CHIA: variants seen among roughly 807,000 people sequenced by gnomAD.
CHIA encodes the protein chitinase acidic.
Under a neutral mutation model 53.5 loss-of-function variants are expected in CHIA, and 47 were observed. That is an observed-to-expected ratio of 0.88 (90% CI 0.70 to 1.12). CHIA has a LOEUF of 1.12. Among genes scored for constraint, CHIA ranks in the 50% most tolerant of loss-of-function variants. The probability of loss-of-function intolerance (pLI) is 0.00; values close to 1 mark genes in which losing one functional copy is unlikely to be tolerated. For synonymous variants in CHIA, 268 were observed against 222.2 expected (o/e 1.21, Z -1.83); for missense variants, 652 against 592.2 (o/e 1.10, Z -1.05).
At chr1:111,312,526 A>C in intron 4 of CHIA, 135 bp downstream of exon 4, 1 of 713,926 alleles carries the variant, frequency 1.4e-6, no homozygotes, top group South Asian at 1.8e-5. Context: ...TTCTTTTATA[A>C]CTGACAAAAA....
Position 111,317,810 on chromosome 1 carries a change from G to A in CHIA, c.605+5G>A. Reference sequence around the variant, plus strand: ...TGAGATCCCCCAACTGTCACAGTGAGTGATGTGCCTTATCTTCAAACTCCT... The same window carrying A: ...TGAGATCCCCCAACTGTCACAGTGAATGATGTGCCTTATCTTCAAACTCCT... On this transcript the variant is annotated splice_donor_5th_base_variant and intron_variant, in intron 7 of 11. Transcript: ENST00000369740. 6.2e-7 allele frequency: 1 copy of A among 1,613,596 alleles called. No homozygotes were observed. Among genetic ancestry groups the A allele is most frequent in the East Asian group, 2.2e-5 (1 of 44,894 alleles).
chr1:111,307,751 C>T (rs1253781584), intron 1 of CHIA, among the ~76,000 whole-genome samples: 1 of 151,984 alleles, frequency 6.6e-6, no homozygotes, highest in African/African-American at 2.4e-5. Flanking sequence ...CAGCAATTCT[C>T]CTGCCTTAGC....
At chr1:111,305,984 A>G (rs1648152495) in intron 1 of CHIA, among the ~76,000 whole-genome samples, 1 of 152,252 alleles carries the variant, frequency 6.6e-6, no homozygotes. Context: ...GGTACCATCT[A>G]TAACAGAGAC....
At chr1:111,295,686 G>A (rs141319325) in intron 1 of CHIA, among the ~76,000 whole-genome samples, 2,988 of 151,662 alleles carry the variant, frequency 0.02, 91 homozygotes, top group African/African-American at 0.065. Flanking sequence ...CTGAGGTACC[G>A]GGTTCATCTC....
At chr1:111,299,470 A>G (rs916587223) in intron 1 of CHIA, among the ~76,000 whole-genome samples, 1 of 152,250 alleles carries the variant, frequency 6.6e-6, no homozygotes, top group Non-Finnish European at 1.5e-5. Flanking sequence ...TCCCATAAAC[A>G]GAACCAATGA....
intron 1 of CHIA, among the ~76,000 whole-genome samples, chr1:111,308,266 A>T (rs1225647198): frequency 6.6e-6 from 1 of 152,224 alleles, no homozygotes; most frequent in Non-Finnish European, 1.5e-5. Context: ...TACACCCTAT[A>T]GTCCTGAATA....
intron 1 of CHIA, among the ~76,000 whole-genome samples, chr1:111,294,699 A>T (rs1203240918): frequency 1.3e-5 from 2 of 152,194 alleles, no homozygotes; most frequent in Non-Finnish European, 2.9e-5. Context: ...AGCTTTTATT[A>T]TATTGAGGTA....
intron 1 of CHIA, 140 bp downstream of exon 1, chr1:111,291,090 A>G: frequency 3.3e-6 from 1 of 305,076 alleles, no homozygotes; most frequent in South Asian, 2.7e-5. Flanking sequence ...TGTGAGATAA[A>G]GGTTGTTTAC....
At chr1:111,291,116 G>GT (rs1314484473) in intron 1 of CHIA, among the ~76,000 whole-genome samples, 166 bp downstream of exon 1, 1 of 152,130 alleles carries the variant, frequency 6.6e-6, no homozygotes, top group African/African-American at 2.4e-5. Context: ...AAGGTATTGT[G>GT]TGTGTGTCTT....
intron 1 of CHIA, among the ~76,000 whole-genome samples, chr1:111,298,550 AACAGAGAC>A (rs1240190569): frequency 1.3e-5 from 2 of 152,230 alleles, no homozygotes; most frequent in African/African-American, 4.8e-5. Context: ...AACCAGTAAG[AACAGAGAC>A]ACAACGTGCC....
chr1:111,310,462 G>A lies in CHIA; in HGVS notation c.-6G>A. The stretch of plus-strand genomic sequence containing the variant: ...AAGCTCTGCGGGACTGGTGCTGACT[G>A]CAACCATGACAAAGCTTATTCTCCT... On this transcript the variant is annotated 5_prime_UTR_variant, in exon 2 of 12. Coordinates refer to ENST00000369740, the MANE Select transcript of CHIA (RefSeq NM_201653.4). The A allele has an allele frequency of 1.2e-6, 2 of 1,614,172 alleles. No individual in the cohort carries two copies. Among genetic ancestry groups the A allele is most frequent in the African/African-American group, 1.3e-5 (1 of 75,052 alleles).
intron 1 of CHIA, among the ~76,000 whole-genome samples, chr1:111,297,845 A>G (rs1445101512): frequency 6.7e-6 from 1 of 149,844 alleles, no homozygotes; most frequent in Non-Finnish European, 1.5e-5. Flanking sequence ...ATGTACAAAG[A>G]CATACATAGG....
intron 1 of CHIA, among the ~76,000 whole-genome samples, chr1:111,296,421 C>T (rs1245188924): frequency 6.6e-6 from 1 of 152,204 alleles, no homozygotes; most frequent in Non-Finnish European, 1.5e-5. Context: ...TGGTAATACC[C>T]AGGCAAACAG....
chr1:111,299,578 G>A (rs1313992182), intron 1 of CHIA, among the ~76,000 whole-genome samples: 1 of 152,072 alleles, frequency 6.6e-6, no homozygotes, highest in Non-Finnish European at 1.5e-5. Flanking sequence ...AGGTATTGAT[G>A]GAATGTATCT....
At position 111,312,133 on chromosome 1, in the gene CHIA, A is replaced by T. The variant is rs4423003; in HGVS notation, c.56-57A>T. 3.9e-5 allele frequency: 56 copies of T among 1,436,896 alleles called. No individual in the cohort carries two copies. In the East Asian group the frequency reaches 6.1e-4, roughly 16 times the overall value. 89.0% of individuals were successfully genotyped at this position (1,436,896 alleles called of 1,614,324 possible). A position where few individuals can be genotyped will look rare whatever the true frequency, so the allele number is the denominator to read the frequency against. Reference sequence around the variant, plus strand: ...AAACAGAGGCAAGGCCAAAACTCACAGCACACTTCAGTGGATCCTAAACCA... The same window carrying T: ...AAACAGAGGCAAGGCCAAAACTCACTGCACACTTCAGTGGATCCTAAACCA... On this transcript the variant is annotated intron_variant, in intron 3 of 11. Coordinates refer to ENST00000369740, the MANE Select transcript of CHIA (RefSeq NM_201653.4).
At chr1:111,295,790 G>C (rs1213154878) in intron 1 of CHIA, among the ~76,000 whole-genome samples, 1 of 152,242 alleles carries the variant, frequency 6.6e-6, no homozygotes, top group African/African-American at 2.4e-5. Context: ...GGCACTGGAG[G>C]ATTTCCCTTT....
At chr1:111,309,034 G>A (rs1648452947) in intron 1 of CHIA, among the ~76,000 whole-genome samples, 1 of 152,164 alleles carries the variant, frequency 6.6e-6, no homozygotes, top group Non-Finnish European at 1.5e-5. Context: ...AGTGGGGGTG[G>A]CACGAGGGAA....
intron 8 of CHIA, 113 bp from the exon 9 acceptor site, chr1:111,318,380 A>G (rs1200410491): frequency 2.1e-6 from 2 of 975,060 alleles, no homozygotes; most frequent in Non-Finnish European, 3.0e-6. Flanking sequence ...AAAAATACTA[A>G]TCCATCTGGA....
At chr1:111,312,600 A>G (rs553442996) in intron 4 of CHIA, among the ~76,000 whole-genome samples, 3 of 152,316 alleles carry the variant, frequency 2.0e-5, no homozygotes, top group East Asian at 1.9e-4. Context: ...GAATGGCTCA[A>G]TCGAACTATC....
Sources: allele counts gnomAD v4.1 joint callset (sites outside exome capture counted in the v4.1 genomes callset), GRCh38; gene constraint gnomAD v4.1.1; transcripts MANE v1.5; gene names NCBI Gene and HGNC (gene_info 2026-07-23, HGNC 2026-07-21).